HDAC4: variants seen among roughly 807,000 people sequenced by gnomAD.
The protein encoded by HDAC4 is histone deacetylase 4, also known as histone deacetylase A.
Under a neutral mutation model 135.1 loss-of-function variants are expected in HDAC4, and 16 were observed. The ratio of observed to expected loss-of-function variants is 0.12; its 90% CI spans 0.08 to 0.18. HDAC4 has a LOEUF of 0.18. HDAC4 is among the 10% of genes least tolerant of loss of function. The probability of loss-of-function intolerance (pLI) is 1.00; values close to 1 mark genes in which losing one functional copy is unlikely to be tolerated. For synonymous variants in HDAC4, 685 were observed against 653.4 expected (o/e 1.05, Z -0.74); for missense variants, 1,143 against 1,511.8 (o/e 0.76, Z 4.05).
chr2:239,364,967 C>T (rs951976565), intron 1 of HDAC4, among the ~76,000 whole-genome samples: 4 of 152,308 alleles, frequency 2.6e-5, no homozygotes, highest in African/African-American at 9.6e-5. Flanking sequence ...GGAGAAAAAA[C>T]AGGGAATTCC....
At position 239,179,207 on chromosome 2, in the gene HDAC4, G is replaced by A. The variant is rs564871943; in HGVS notation, c.340-2644C>T. ...CATGAGTGGCTGCGCTGGCACAGCA[G>A]GACTGGCGCCCATGGGATGCCACCC... is the stretch of plus-strand genomic sequence containing the variant. On this transcript the variant is annotated intron_variant, in intron 4 of 26. Coordinates refer to ENST00000543185, the MANE Select transcript of HDAC4 (RefSeq NM_001378414.1). Among the ~76,000 whole-genome samples, 5 of 152,358 alleles carry A rather than the reference G, an allele frequency of 3.3e-5. No individual in the cohort carries two copies. The South Asian group carries it at 1.0e-3, about 32-fold the overall frequency.
Position 239,139,408 on chromosome 2 carries a change from C to T in HDAC4, c.978+276G>A, listed in dbSNP as rs1033662359. ...CTGGGACACCATCTAGTGACATCTG[C>T]TCTGGAAGAGGTCAGGAGAAAGGAC... is the stretch of plus-strand genomic sequence containing the variant. On this transcript the variant is annotated intron_variant, in intron 9 of 26. Transcript: ENST00000543185. This position sits in a 1 kb window ranked among gnomAD's most constrained non-coding sequence, Gnocchi z 5.3. 1.3e-5 allele frequency among the ~76,000 whole-genome samples: 2 copies of T among 152,126 alleles called. No homozygotes were observed. Among genetic ancestry groups the T allele is most frequent in the African/African-American group, 2.4e-5 (1 of 41,422 alleles).
At chr2:239,132,030 G>T (rs111470597) in intron 11 of HDAC4, among the ~76,000 whole-genome samples, 1 of 152,276 alleles carries the variant, frequency 6.6e-6, no homozygotes, top group Admixed American at 6.5e-5. Flanking sequence ...TGAGGGCCCT[G>T]CTCATGGCGG....
intron 20 of HDAC4, 82 bp downstream of exon 20, chr2:239,084,073 C>G: frequency 1.0e-6 from 1 of 954,430 alleles, no homozygotes. Flanking sequence ...AAGAGCCCAG[C>G]TCCTCTGTCC....
intron 2 of HDAC4, among the ~76,000 whole-genome samples, chr2:239,267,810 C>G (rs1320661128): frequency 6.6e-6 from 1 of 152,262 alleles, no homozygotes; most frequent in East Asian, 1.9e-4. Flanking sequence ...AGAGACTGCT[C>G]CAGCCAGCTG....
rs2052154606 is a variant in HDAC4, at chr2:239,299,968, G to A, written c.22+52710C>T. Among the ~76,000 whole-genome samples the A allele has an allele frequency of 6.6e-6, 1 of 152,188 alleles. No individual in the cohort carries two copies. Among genetic ancestry groups the A allele is most frequent in the Admixed American group, 6.5e-5 (1 of 15,282 alleles). On this transcript the variant is annotated intron_variant, in intron 2 of 26. Coordinates refer to ENST00000543185, the MANE Select transcript of HDAC4 (RefSeq NM_001378414.1). The surrounding 1 kb of genome is among the most constrained non-coding windows in gnomAD (Gnocchi z 4.0). ...GTCCCATCAGAGGACTCCCTGCAGTGCTCCATGAATTTCTCCCGAATTCCA... is the reference window on the plus strand; with the variant it reads ...GTCCCATCAGAGGACTCCCTGCAGTACTCCATGAATTTCTCCCGAATTCCA...
intron 4 of HDAC4, among the ~76,000 whole-genome samples, chr2:239,177,531 G>A (rs2043851729): frequency 6.6e-6 from 1 of 152,218 alleles, no homozygotes; most frequent in South Asian, 2.1e-4. Context: ...CCAGCGGGTG[G>A]AGTGTCCGAC....
chr2:239,298,495 G>T (rs961946684), intron 2 of HDAC4: 3 of 1,118,804 alleles, frequency 2.7e-6, no homozygotes. Flanking sequence ...CTGTCACTGG[G>T]TGAACGCTGT....
At chr2:239,093,546 AAC>A (rs1212338916) in intron 17 of HDAC4, among the ~76,000 whole-genome samples, 1 of 152,196 alleles carries the variant, frequency 6.6e-6, no homozygotes, top group Non-Finnish European at 1.5e-5. Context: ...ATGGGAAGAA[AAC>A]ACATCCTGCC....
At chr2:239,364,282 C>T (rs1030956256) in intron 1 of HDAC4, among the ~76,000 whole-genome samples, 1 of 152,218 alleles carries the variant, frequency 6.6e-6, no homozygotes, top group African/African-American at 2.4e-5. Flanking sequence ...ACCTCCCAAA[C>T]GTGCCAAAAG....
At chr2:239,053,627 G>A (rs1462298951) in intron 25 of HDAC4, 26 bp from the exon 26 acceptor site, 14 of 1,609,478 alleles carry the variant, frequency 8.7e-6, no homozygotes, top group Admixed American at 3.3e-5. Context: ...GAGGAAAGTC[G>A]CTCAGTGACT....
intron 4 of HDAC4, 79 bp downstream of exon 4, chr2:239,189,754 C>A: frequency 7.1e-7 from 1 of 1,418,364 alleles, no homozygotes; most frequent in Non-Finnish European, 9.7e-7. Flanking sequence ...CAGCACACTC[C>A]GCGGAGGCAG....
rs941557161 is a variant in HDAC4 at position 239,117,008 on chromosome 2, G to A, written c.1534-1698C>T. On this transcript the variant is annotated intron_variant, in intron 12 of 26. Coordinates refer to ENST00000543185, the MANE Select transcript of HDAC4 (RefSeq NM_001378414.1). ...TCTTTCCTGCAGTCTGCAGTTCCCA[G>A]GAGGGTAGGGACCACTTCTGACTCA... 4.2e-4 allele frequency among the ~76,000 whole-genome samples: 64 copies of A among 152,216 alleles called. 1 individual carries two copies. The highest frequency in any genetic ancestry group is 1.1e-3 in the Admixed American group (17 of 15,284).
At chr2:239,062,791 T>C (rs1353457089) in intron 24 of HDAC4, among the ~76,000 whole-genome samples, 1 of 152,236 alleles carries the variant, frequency 6.6e-6, no homozygotes, top group Admixed American at 6.5e-5. Flanking sequence ...GCTGCAGGGA[T>C]GCCACCTGGA....
chr2:239,321,416 G>A (rs561200990), intron 2 of HDAC4, among the ~76,000 whole-genome samples: 1 of 124,614 alleles, frequency 8.0e-6, no homozygotes, highest in Admixed American at 1.1e-4. Context: ...AGCGAGCCGA[G>A]ATAGCGCCAC....
Position 239,284,086 on chromosome 2 carries a change from C to T in HDAC4, c.23-47422G>A, listed in dbSNP as rs973077412. 2.0e-5 allele frequency among the ~76,000 whole-genome samples: 3 copies of T among 152,242 alleles called. 1 individual carries two copies. Among genetic ancestry groups the T allele is most frequent in the African/African-American group, 7.2e-5 (3 of 41,456 alleles). On this transcript the variant is annotated intron_variant, in intron 2 of 26. Transcript: ENST00000543185. ...TGTGAAGTCCATGCTGCGGTCTCCACGCCCAGTGGCTTTCCACGTCTCTCC... is the reference window on the plus strand; with the variant it reads ...TGTGAAGTCCATGCTGCGGTCTCCATGCCCAGTGGCTTTCCACGTCTCTCC...
At chr2:239,297,202 G>C (rs1575640551) in intron 2 of HDAC4, among the ~76,000 whole-genome samples, 1 of 152,160 alleles carries the variant, frequency 6.6e-6, no homozygotes, top group Admixed American at 6.5e-5. Context: ...TCACAAAGGT[G>C]CCTGAGCCCC....
At chr2:239,340,483 G>A (rs62182114) in intron 2 of HDAC4, among the ~76,000 whole-genome samples, 15,817 of 152,110 alleles carry the variant, frequency 0.1, 924 homozygotes, top group Non-Finnish European at 0.12. Flanking sequence ...GGACAGAGGA[G>A]GACCATGGTG....
chr2:239,225,578 G>A (rs1008998158), intron 3 of HDAC4, among the ~76,000 whole-genome samples: 1 of 152,226 alleles, frequency 6.6e-6, no homozygotes, highest in Non-Finnish European at 1.5e-5. Context: ...AAGAGCAGGA[G>A]AGGGAAGCCA....
Sources: allele counts gnomAD v4.1 joint callset (sites outside exome capture counted in the v4.1 genomes callset), GRCh38; gene constraint gnomAD v4.1.1; non-coding constraint Gnocchi (gnomAD v3.1); transcripts MANE v1.5; gene names NCBI Gene and HGNC (gene_info 2026-07-23, HGNC 2026-07-21).